ABCB1: variants seen among roughly 807,000 people sequenced by gnomAD.
ABCB1 encodes the protein ATP binding cassette subfamily B member 1.
In ABCB1, 69 loss-of-function variants were observed where a neutral mutation model predicts 142.0. That is an observed-to-expected ratio of 0.49 (90% CI 0.40 to 0.59). The LOEUF (loss-of-function observed/expected upper bound fraction) is 0.59, where lower values mean the gene tolerates loss of function less well. Ranked by LOEUF, ABCB1 falls within the 20% of genes least tolerant of loss-of-function variation. The pLI, the probability that ABCB1 is intolerant of heterozygous loss-of-function variation, is 0.00. For synonymous variants in ABCB1, 532 were observed against 539.2 expected (o/e 0.99, Z 0.18); for missense variants, 1,326 against 1,554.7 (o/e 0.85, Z 2.47).
chr7:87,551,674 T>A (rs1036423028), intron 9 of ABCB1, among the ~76,000 whole-genome samples: 1 of 151,948 alleles, frequency 6.6e-6, no homozygotes, highest in Non-Finnish European at 1.5e-5. Context: ...AAAAAAATTA[T>A]AGAGATGAGA....
chr7:87,563,107 A>G (rs1400043188), intron 7 of ABCB1, among the ~76,000 whole-genome samples: 1 of 152,212 alleles, frequency 6.6e-6, no homozygotes, highest in African/African-American at 2.4e-5. Context: ...CCAAGACTGA[A>G]CCAGGAAGAA....
intron 20 of ABCB1, among the ~76,000 whole-genome samples, chr7:87,532,260 C>A (rs1028608973): frequency 6.6e-6 from 1 of 152,140 alleles, no homozygotes; most frequent in Non-Finnish European, 1.5e-5. Flanking sequence ...ATTCCAAATG[C>A]CTGCCCTGGC....
intron 1 of ABCB1, among the ~76,000 whole-genome samples, chr7:87,686,577 A>G (rs925194573): frequency 1.3e-5 from 2 of 152,176 alleles, no homozygotes; most frequent in African/African-American, 2.4e-5. Context: ...TGTAAACTTC[A>G]GCTTGGTGAC....
chr7:87,687,710 G>C (rs1260684716), intron 1 of ABCB1, among the ~76,000 whole-genome samples: 1 of 152,076 alleles, frequency 6.6e-6, no homozygotes, highest in Non-Finnish European at 1.5e-5. Flanking sequence ...AAACGAGTTA[G>C]AACTCCTGTG....
intron 1 of ABCB1, among the ~76,000 whole-genome samples, chr7:87,668,201 T>C (rs1278198897): frequency 6.6e-6 from 1 of 152,050 alleles, no homozygotes; most frequent in African/African-American, 2.4e-5. Context: ...AGTTTCTTCC[T>C]GGCTCTGTCT....
chr7:87,622,673 G>T (rs913158893), intron 1 of ABCB1, among the ~76,000 whole-genome samples: 2 of 152,160 alleles, frequency 1.3e-5, no homozygotes, highest in Admixed American at 6.5e-5. Context: ...CAGTATGGGA[G>T]TTTTGTGTTT....
chr7:87,659,887 T>G (rs1206764403), intron 1 of ABCB1, among the ~76,000 whole-genome samples: 2 of 152,190 alleles, frequency 1.3e-5, no homozygotes, highest in Non-Finnish European at 2.9e-5. Context: ...GTTGCCTTTA[T>G]TTTTTAATGT....
At chr7:87,645,831 C>T (rs1046703430) in intron 1 of ABCB1, among the ~76,000 whole-genome samples, 1 of 151,972 alleles carries the variant, frequency 6.6e-6, no homozygotes, top group Non-Finnish European at 1.5e-5. Flanking sequence ...TGGGAAGAAT[C>T]GGTTAGCTGA....
intron 4 of ABCB1, among the ~76,000 whole-genome samples, chr7:87,576,946 T>G (rs903478963): frequency 2.6e-5 from 4 of 152,142 alleles, no homozygotes; most frequent in Admixed American, 6.5e-5. Context: ...TATTTTTAAA[T>G]GTGCAATAAA....
chr7:87,520,200 A>T (rs1162175016), intron 22 of ABCB1, among the ~76,000 whole-genome samples: 2 of 151,256 alleles, frequency 1.3e-5, no homozygotes, highest in African/African-American at 4.9e-5. Context: ...TTTTTTAGAC[A>T]AAAAGGCTCT....
intron 27 of ABCB1, 47 bp from the exon 28 acceptor site, chr7:87,504,496 T>A: frequency 6.2e-7 from 1 of 1,606,280 alleles, no homozygotes; most frequent in South Asian, 1.1e-5. Context: ...TTCTTTTCCC[T>A]AATTCCTCTT....
chr7:87,611,601 T>A (rs1301450958), intron 1 of ABCB1, among the ~76,000 whole-genome samples: 1 of 151,886 alleles, frequency 6.6e-6, no homozygotes, highest in Non-Finnish European at 1.5e-5. Context: ...ATGTACCACA[T>A]TTTCTTTATC....
At chr7:87,629,662 T>A (rs1820999485) in intron 1 of ABCB1, among the ~76,000 whole-genome samples, 3 of 152,046 alleles carry the variant, frequency 2.0e-5, no homozygotes, top group Non-Finnish European at 4.4e-5. Flanking sequence ...GCGCGGTGGC[T>A]TACACCTGTA....
At chr7:87,637,282 A>G (rs1182306164) in intron 1 of ABCB1, among the ~76,000 whole-genome samples, 1 of 152,180 alleles carries the variant, frequency 6.6e-6, no homozygotes, top group African/African-American at 2.4e-5. Flanking sequence ...CCAATAGTCT[A>G]TTTGTCTCTC....
intron 26 of ABCB1, among the ~76,000 whole-genome samples, chr7:87,506,971 G>A (rs1335081130): frequency 2.0e-5 from 3 of 152,210 alleles, no homozygotes; most frequent in Non-Finnish European, 2.9e-5. Flanking sequence ...GAGCACTGAA[G>A]TGTATCTCAT....
Position 87,535,643 on chromosome 7 carries a change from TTATA to T in ABCB1, c.2481+811_2481+814del, listed in dbSNP as rs1245610644. On this transcript the variant is annotated intron_variant, in intron 20 of 27. Coordinates refer to ENST00000622132, the MANE Select transcript of ABCB1 (RefSeq NM_001348946.2). ...ATAGAAAAAGAGGGACTCCTAAGGT[TTATA>T]TTTCAACGTTATAACTCTATGTATT... is the stretch of plus-strand genomic sequence containing the variant. Among the ~76,000 whole-genome samples the T allele has an allele frequency of 3.3e-5, 5 of 152,320 alleles. No individual in the cohort carries two copies. In the East Asian group the frequency reaches 7.7e-4, roughly 24 times the overall value.
At chr7:87,709,729 C>A (rs1829900625) in intron 1 of ABCB1, among the ~76,000 whole-genome samples, 1 of 151,992 alleles carries the variant, frequency 6.6e-6, no homozygotes, top group Non-Finnish European at 1.5e-5. Context: ...ATTAGTGTCA[C>A]CTTTATACTG....
At chr7:87,509,172 C>T in intron 26 of ABCB1, 103 bp downstream of exon 26, 2 of 1,209,636 alleles carry the variant, frequency 1.7e-6, no homozygotes, top group Non-Finnish European at 2.4e-6. Flanking sequence ...GATTTGGTTG[C>T]TAATTTCTCT....
At chr7:87,628,974 G>T in intron 1 of ABCB1, 1 of 1,306,062 alleles carries the variant, frequency 7.7e-7, no homozygotes, top group South Asian at 3.3e-5. Flanking sequence ...AGGGGAACCA[G>T]CCTCCCGCCG....
Sources: allele counts gnomAD v4.1 joint callset (sites outside exome capture counted in the v4.1 genomes callset), GRCh38; gene constraint gnomAD v4.1.1; transcripts MANE v1.5; gene names NCBI Gene and HGNC (gene_info 2026-07-23, HGNC 2026-07-21).